The following SPATA13 variants were observed in gnomAD, a reference collection of about 807,000 sequenced individuals.
SPATA13 encodes the protein spermatogenesis associated 13, also known as spermatogenesis-associated protein 13.
In SPATA13, 50 loss-of-function variants were observed where a neutral mutation model predicts 104.0. That is an observed-to-expected ratio of 0.48 (90% CI 0.38 to 0.61). The LOEUF (loss-of-function observed/expected upper bound fraction) is 0.61, where lower values mean the gene tolerates loss of function less well. Ranked by LOEUF, SPATA13 falls within the 20% of genes least tolerant of loss-of-function variation. The probability of loss-of-function intolerance (pLI) is 0.00; values close to 1 mark genes in which losing one functional copy is unlikely to be tolerated. For synonymous variants in SPATA13, 606 were observed against 667.5 expected, an observed-to-expected ratio of 0.91 and a Z score of 1.42; for missense variants, 1,524 against 1,690.6, an observed-to-expected ratio of 0.90 and a Z score of 1.73.
chr13:24,261,997 C>G (rs1007626039), intron 4 of SPATA13, among the ~76,000 whole-genome samples: 5 of 152,182 alleles, frequency 3.3e-5, no homozygotes, highest in Non-Finnish European at 5.9e-5. Context: ...CTATGTATTA[C>G]CAGTATCTGA....
intron 1 of SPATA13, among the ~76,000 whole-genome samples, chr13:24,168,164 G>A (rs1325094310): frequency 4.6e-5 from 7 of 152,068 alleles, no homozygotes; most frequent in South Asian, 2.1e-4. Context: ...AAAATATCCC[G>A]ACAAGTTATT....
intron 2 of SPATA13, among the ~76,000 whole-genome samples, chr13:24,225,521 C>A (rs1205644132): frequency 6.6e-6 from 1 of 152,238 alleles, no homozygotes; most frequent in East Asian, 1.9e-4. Context: ...CTTCTCATCA[C>A]CTGCATTACA....
chr13:24,241,930 G>A (rs1328268246), intron 2 of SPATA13, among the ~76,000 whole-genome samples: 3 of 152,022 alleles, frequency 2.0e-5, no homozygotes, highest in African/African-American at 4.8e-5. Context: ...GTGCATGCCT[G>A]TAGTCTCAGC....
In SPATA13 at chr13:24,050,177, T is replaced by C. The variant is rs114473675; in HGVS notation, c.-112+32476T>C. 9.4e-3 allele frequency among the ~76,000 whole-genome samples: 1,427 copies of C among 152,314 alleles called. 26 individuals carry two copies. Among genetic ancestry groups the C allele is most frequent in the African/African-American group, 0.031 (1,288 of 41,560 alleles). ...GAGCCACCATGCCAGGCCTTTCAGA[T>C]TCTTTCTGAACCATCTGGGGAAGTC... On this transcript the variant is annotated intron_variant, in intron 3 of 14. Transcript: ENST00000424834.
At chr13:24,178,846 G>C (rs538192705) in intron 1 of SPATA13, among the ~76,000 whole-genome samples, 230 of 152,192 alleles carry the variant, frequency 1.5e-3, no homozygotes, top group Admixed American at 3.9e-3. Context: ...TGTATCCACG[G>C]AGTCATGCAC....
At chr13:24,221,806 ATTT>A (rs35282665) in intron 1 of SPATA13, among the ~76,000 whole-genome samples, 3 of 122,414 alleles carry the variant, frequency 2.5e-5, no homozygotes, top group East Asian at 2.5e-4. Flanking sequence ...TTACCTCTGA[ATTT>A]TTTTTTTTTT....
intron 3 of SPATA13, among the ~76,000 whole-genome samples, chr13:24,098,606 A>AAG (rs374626457): frequency 1.4e-3 from 200 of 147,898 alleles, no homozygotes; most frequent in East Asian, 6.9e-3. Context: ...AAAAAAAAAA[A>AAG]AAGAAGAAGA....
intron 1 of SPATA13, among the ~76,000 whole-genome samples, chr13:24,217,278 A>C (rs1039687587): frequency 6.6e-6 from 1 of 152,220 alleles, no homozygotes; most frequent in Admixed American, 6.5e-5. Flanking sequence ...ACTAATTGGT[A>C]GCACATTCAT....
At chr13:24,214,234 C>A (rs1396778478) in intron 1 of SPATA13, among the ~76,000 whole-genome samples, 3 of 152,198 alleles carry the variant, frequency 2.0e-5, no homozygotes, top group Non-Finnish European at 4.4e-5. Flanking sequence ...ATCTTCTGCA[C>A]CTCCATAGAC....
At chr13:24,233,919 ACACACACACT>A (rs1872425495) in intron 2 of SPATA13, among the ~76,000 whole-genome samples, 1 of 149,266 alleles carries the variant, frequency 6.7e-6, no homozygotes, top group African/African-American at 2.6e-5. Flanking sequence ...ACACACACAC[ACACACACACT>A]GATAAGATTA....
chr13:24,138,811 C>T (rs1881662582), intron 3 of SPATA13, among the ~76,000 whole-genome samples: 1 of 147,386 alleles, frequency 6.8e-6, no homozygotes, highest in Non-Finnish European at 1.5e-5. Flanking sequence ...AGGCTGGCCT[C>T]AAACTGCTGG....
intron 3 of SPATA13, among the ~76,000 whole-genome samples, chr13:24,084,905 A>T (rs762440069): frequency 2.6e-4 from 40 of 152,114 alleles, no homozygotes; most frequent in Non-Finnish European, 3.7e-4. Flanking sequence ...TTGAGTATAG[A>T]TTAGAGGAAA....
At chr13:24,183,679 C>T (rs1868953799) in intron 1 of SPATA13, among the ~76,000 whole-genome samples, 1 of 150,382 alleles carries the variant, frequency 6.6e-6, no homozygotes, top group African/African-American at 2.5e-5. Flanking sequence ...GACAATTCTT[C>T]TTCTTCCAGA....
intron 3 of SPATA13, among the ~76,000 whole-genome samples, chr13:24,059,867 G>T (rs1878715308): frequency 6.6e-6 from 1 of 152,148 alleles, no homozygotes; most frequent in Admixed American, 6.5e-5. Flanking sequence ...CTCTGACCAG[G>T]ACTTCTAATA....
chr13:24,008,789 A>G (rs1301484699), intron 2 of SPATA13, among the ~76,000 whole-genome samples: 1 of 151,900 alleles, frequency 6.6e-6, no homozygotes, highest in Non-Finnish European at 1.5e-5. Context: ...CACTGCCCCC[A>G]TCCCCTGATG....
At chr13:24,066,744 C>T (rs1295620014) in intron 3 of SPATA13, among the ~76,000 whole-genome samples, 1 of 152,228 alleles carries the variant, frequency 6.6e-6, no homozygotes, top group East Asian at 2.0e-4. Flanking sequence ...GCTTGGCACA[C>T]ACCATGGCTT....
At chr13:24,111,701 C>T (rs576990188) in intron 3 of SPATA13, among the ~76,000 whole-genome samples, 7 of 152,316 alleles carry the variant, frequency 4.6e-5, no homozygotes, top group Admixed American at 2.6e-4. Context: ...CCGCCATGCC[C>T]GGCCTGCGTC....
chr13:24,103,986 C>T (rs1880354261), intron 3 of SPATA13, among the ~76,000 whole-genome samples: 1 of 152,190 alleles, frequency 6.6e-6, no homozygotes, highest in African/African-American at 2.4e-5. Flanking sequence ...GGGCCGATTC[C>T]AGCACTTTCA....
chr13:24,292,219 T>G (rs548178554), intron 9 of SPATA13, among the ~76,000 whole-genome samples: 2 of 152,354 alleles, frequency 1.3e-5, no homozygotes, highest in Non-Finnish European at 2.9e-5. Context: ...GGTTATACAT[T>G]AGGCATGTCA....
Sources: allele counts gnomAD v4.1 joint callset (sites outside exome capture counted in the v4.1 genomes callset), GRCh38; gene constraint gnomAD v4.1.1; transcripts MANE v1.5; gene names NCBI Gene and HGNC (gene_info 2026-07-23, HGNC 2026-07-21).